The following GABARAPL1 variants were observed in gnomAD, a reference collection of about 807,000 sequenced individuals.
The protein encoded by GABARAPL1 is gamma-aminobutyric acid receptor-associated protein-like 1.
In GABARAPL1, 4 loss-of-function variants were observed where a neutral mutation model predicts 14.5. The ratio of observed to expected loss-of-function variants is 0.28; its 90% CI spans 0.14 to 0.63. The LOEUF (loss-of-function observed/expected upper bound fraction) is 0.63, where lower values mean the gene tolerates loss of function less well. GABARAPL1 is among the 30% of genes least tolerant of loss of function. The pLI is 0.84. For missense variants in GABARAPL1, 82 were observed against 139.2 expected, an observed-to-expected ratio of 0.59 and a Z score of 2.07; for synonymous variants, 47 against 50.6, an observed-to-expected ratio of 0.93 and a Z score of 0.30.
At chr12:10,220,371 G>C (rs1949113593) in intron 2 of GABARAPL1, 69 bp from the exon 3 acceptor site, 5 of 1,602,158 alleles carry the variant, frequency 3.1e-6, no homozygotes, top group Middle Eastern at 4.6e-4. Flanking sequence ...TTTTTTCCAG[G>C]ACTTACCCTT....
chr12:10,219,345 AC>A (rs1317477006), intron 2 of GABARAPL1, among the ~76,000 whole-genome samples: 4 of 150,400 alleles, frequency 2.7e-5, no homozygotes, highest in Admixed American at 2.0e-4. Context: ...AAAAAAAAAA[AC>A]CCCAAAATTC....
chr12:10,212,991 G>T lies in GABARAPL1; in HGVS notation c.-139G>T. On this transcript the variant is annotated 5_prime_UTR_variant, in exon 1 of 4. Coordinates refer to ENST00000266458, the MANE Select transcript of GABARAPL1 (RefSeq NM_031412.4). ...GCCCCGAACCCCCCCTGCACACTCGGCCCAGCGCTGTTGCCCCCGGAGCGG... is the reference window on the plus strand; with the variant it reads ...GCCCCGAACCCCCCCTGCACACTCGTCCCAGCGCTGTTGCCCCCGGAGCGG... The T allele has an allele frequency of 1.6e-6, 1 of 629,554 alleles. No homozygotes were observed. Among genetic ancestry groups the T allele is most frequent in the African/African-American group, 1.8e-5 (1 of 54,482 alleles). The allele number at this position is 629,554 out of a possible 1,614,324, so 39.0% of individuals were successfully genotyped here.
intron 1 of GABARAPL1, among the ~76,000 whole-genome samples, chr12:10,216,994 A>G (rs1271156130): frequency 6.6e-6 from 1 of 152,216 alleles, no homozygotes; most frequent in Non-Finnish European, 1.5e-5. Context: ...CTATAGAAGT[A>G]TATAACGTAG....
chr12:10,221,523 G>C, intron 3 of GABARAPL1: 14 of 792,484 alleles, frequency 1.8e-5, no homozygotes, highest in Non-Finnish European at 2.1e-5. Context: ...TGCTAGGAGT[G>C]AGCTCTTTAA....
rs1949114223 is a variant in GABARAPL1 at position 10,220,464 on chromosome 12, G to A, written c.194G>A (p.Arg65Gln). 4.3e-6 allele frequency: 7 copies of A among 1,612,502 alleles called. No homozygotes were observed. The highest frequency in any genetic ancestry group is 1.9e-4 in the Middle Eastern group (1 of 5,142). Reference sequence around the variant, plus strand: ...GTTGGCCAGTTCTACTTCTTAATCCGGAAGAGAATCCACCTGAGACCTGAG... The same window carrying A: ...GTTGGCCAGTTCTACTTCTTAATCCAGAAGAGAATCCACCTGAGACCTGAG... ...LTVGQFYFLI[R>Q]KRIHLRPEDA... Residue 65 changes from arginine to glutamine, a missense_variant, in exon 3 of 4, where the codon CGG becomes CAG. By Grantham distance (43) the Arg-to-Gln change is conservative. Transcript: ENST00000266458.
At chr12:10,214,530 G>T (rs937023437) in intron 1 of GABARAPL1, 3 of 152,160 alleles carry the variant, frequency 2.0e-5, no homozygotes, top group Non-Finnish European at 4.4e-5. Flanking sequence ...ATTTTGCCCA[G>T]TTCTGGTGAT....
chr12:10,215,537 C>T (rs11831139), intron 1 of GABARAPL1, among the ~76,000 whole-genome samples: 5,353 of 152,256 alleles, frequency 0.035, 304 homozygotes, highest in African/African-American at 0.12. Flanking sequence ...AGGAGTAGAG[C>T]TGGGATTCCT....
At chr12:10,217,190 CAT>C (rs1478293989) in intron 1 of GABARAPL1, among the ~76,000 whole-genome samples, 1 of 152,110 alleles carries the variant, frequency 6.6e-6, no homozygotes, top group Non-Finnish European at 1.5e-5. Context: ...AAAGTCCTAA[CAT>C]AATCAATATC....
chr12:10,217,192 TAATC>T (rs550768106), intron 1 of GABARAPL1, among the ~76,000 whole-genome samples: 18 of 152,204 alleles, frequency 1.2e-4, no homozygotes, highest in African/African-American at 3.9e-4. Flanking sequence ...AGTCCTAACA[TAATC>T]AATATCTATA....
intron 1 of GABARAPL1, chr12:10,213,772 A>C: frequency 2.2e-6 from 1 of 450,402 alleles, no homozygotes; most frequent in South Asian, 1.6e-5. Context: ...AGCACAAGAC[A>C]GTCCTGGCCT....
At chr12:10,220,999 CCTT>C (rs754012784) in intron 3 of GABARAPL1, 65 of 985,334 alleles carry the variant, frequency 6.6e-5, no homozygotes, top group Non-Finnish European at 7.5e-5. Context: ...AAAGCCAGCT[CCTT>C]CTAACTCTGA....
chr12:10,212,962 C>T lies in GABARAPL1; in HGVS notation c.-168C>T. ...ACCTCCAGGCAGGCTCACCCGAGATCCCCGCCCCGAACCCCCCCTGCACAC... is the reference window on the plus strand; with the variant it reads ...ACCTCCAGGCAGGCTCACCCGAGATTCCCGCCCCGAACCCCCCCTGCACAC... On this transcript the variant is annotated 5_prime_UTR_variant, in exon 1 of 4. Transcript: ENST00000266458. 1.7e-6 allele frequency: 1 copy of T among 594,804 alleles called. No individual in the cohort carries two copies. The highest frequency in any genetic ancestry group is 3.0e-5 in the Admixed American group (1 of 33,146). 36.8% of individuals were successfully genotyped at this position (594,804 alleles called of 1,614,324 possible). A position where few individuals can be genotyped will look rare whatever the true frequency, so the allele number is the denominator to read the frequency against.
chr12:10,215,816 G>A (rs1001357563), intron 1 of GABARAPL1, among the ~76,000 whole-genome samples: 4 of 151,780 alleles, frequency 2.6e-5, no homozygotes, highest in East Asian at 1.9e-4. Flanking sequence ...ATGTGATCAT[G>A]TCCCTCTGGT....
chr12:10,215,915 T>C (rs752277514), intron 1 of GABARAPL1, among the ~76,000 whole-genome samples: 1 of 151,846 alleles, frequency 6.6e-6, no homozygotes, highest in South Asian at 2.1e-4. Context: ...TTTTTACTAA[T>C]TTTAATTTGT....
intron 1 of GABARAPL1, among the ~76,000 whole-genome samples, chr12:10,215,254 G>A (rs181173394): frequency 3.3e-5 from 5 of 152,268 alleles, no homozygotes; most frequent in East Asian, 1.9e-4. Context: ...AAGCAATGGC[G>A]TACCCTGACT....
chr12:10,214,824 G>A (rs1260007319), intron 1 of GABARAPL1: 1 of 152,182 alleles, frequency 6.6e-6, no homozygotes, highest in African/African-American at 2.4e-5. Context: ...TTCTAATATA[G>A]TTGTATTAAC....
chr12:10,213,803 C>T (rs1487578699), intron 1 of GABARAPL1: 2 of 455,540 alleles, frequency 4.4e-6, no homozygotes, highest in Non-Finnish European at 8.8e-6. Flanking sequence ...GTCACGTTCT[C>T]TGCCCAACAG....
chr12:10,220,848 T>A, intron 3 of GABARAPL1: 1 of 1,416,104 alleles, frequency 7.1e-7, no homozygotes, highest in South Asian at 1.6e-5. Context: ...AGGAAGTGAT[T>A]CCTGATAGCA....
chr12:10,220,311 A>C, intron 2 of GABARAPL1, 129 bp from the exon 3 acceptor site: 1 of 1,313,792 alleles, frequency 7.6e-7, no homozygotes, highest in Non-Finnish European at 1.0e-6. Flanking sequence ...CTCTTCTCAG[A>C]TGGTATATAA....
Sources: allele counts gnomAD v4.1 joint callset (sites outside exome capture counted in the v4.1 genomes callset), GRCh38; gene constraint gnomAD v4.1.1; transcripts MANE v1.5; gene names NCBI Gene and HGNC (gene_info 2026-07-23, HGNC 2026-07-21).